Variants in PSME3IP1 observed in about 807,000 individuals in gnomAD.
PSME3IP1 encodes PSME3-interacting protein.
In PSME3IP1, 13 loss-of-function variants were observed where a neutral mutation model predicts 34.1. The ratio of observed to expected loss-of-function variants is 0.38; its 90% CI spans 0.25 to 0.61. The LOEUF (loss-of-function observed/expected upper bound fraction) is 0.61. Among genes scored for constraint, PSME3IP1 ranks in the 20% least tolerant of loss-of-function variants. PSME3IP1 has a pLI of 0.60. For synonymous variants in PSME3IP1, 93 were observed against 114.3 expected, an observed-to-expected ratio of 0.81 and a Z score of 1.19; for missense variants, 237 against 301.4, an observed-to-expected ratio of 0.79 and a Z score of 1.58.
chr16:57,172,800 C>G lies in PSME3IP1; in HGVS notation c.202G>C (p.Glu68Gln). Reference sequence around the variant, plus strand: ...CTGAATTTGAACTGTTCCTCGTACTCCTGCTGCTTCCTGTCCTTCTGTTCC... The same window carrying G: ...CTGAATTTGAACTGTTCCTCGTACTGCTGCTGCTTCCTGTCCTTCTGTTCC... ...LQEQKDRKQQ[E>Q]YEEQFKFKNM... Residue 68 changes from glutamate to glutamine, a missense_variant, in exon 3 of 7, where the codon GAG (glutamate) becomes CAG (glutamine). By Grantham distance (29) the Glu-to-Gln change is conservative. Coordinates refer to ENST00000309137, the MANE Select transcript of PSME3IP1 (RefSeq NM_024946.4). 1 of 1,613,570 alleles carries G rather than the reference C, an allele frequency of 6.2e-7. No individual in the cohort carries two copies. Among genetic ancestry groups the G allele is most frequent in the Middle Eastern group, 1.7e-4 (1 of 6,056 alleles).
chr16:57,169,734 C>T (rs1232557396), intron 4 of PSME3IP1, among the ~76,000 whole-genome samples: 2 of 152,104 alleles, frequency 1.3e-5, no homozygotes, highest in African/African-American at 4.8e-5. Flanking sequence ...TGCTAGTCTA[C>T]CAAAATAAAA....
At chr16:57,156,865 G>C (rs141035834) in intron 6 of PSME3IP1, among the ~76,000 whole-genome samples, 1 of 152,352 alleles carries the variant, frequency 6.6e-6, no homozygotes, top group Non-Finnish European at 1.5e-5. Flanking sequence ...AGGGAGTACA[G>C]AGAAATTTGG....
chr16:57,165,681 C>T (rs2071784539), intron 5 of PSME3IP1, among the ~76,000 whole-genome samples: 1 of 152,156 alleles, frequency 6.6e-6, no homozygotes, highest in African/African-American at 2.4e-5. Flanking sequence ...AACAAACTCC[C>T]AGGTGATTCC....
rs1333734091 is a variant in PSME3IP1, at chr16:57,185,993, G to A, written c.-188C>T. On this transcript the variant is annotated 5_prime_UTR_variant, in exon 1 of 7. Transcript: ENST00000309137. ...AAAAAAGAAAATAGCCTTTGCTTTT[G>A]TATTTCTTTTGACCCTTCAGGGCTT... The A allele has an allele frequency of 7.1e-6, 7 of 985,390 alleles. No homozygotes were observed. The highest frequency in any genetic ancestry group is 8.4e-6 in the Non-Finnish European group (7 of 829,920). 61.0% of individuals were successfully genotyped at this position (985,390 alleles called of 1,614,324 possible).
chr16:57,166,893 T>G (rs1215073523), intron 5 of PSME3IP1, among the ~76,000 whole-genome samples, 200 bp downstream of exon 5: 1 of 152,196 alleles, frequency 6.6e-6, no homozygotes, highest in African/African-American at 2.4e-5. Flanking sequence ...ATTATTTATA[T>G]TTGTTGAATA....
chr16:57,154,266 G>A lies in PSME3IP1; in HGVS notation c.*24C>T, dbSNP rs760094907. On this transcript the variant is annotated 3_prime_UTR_variant, in exon 7 of 7. Coordinates refer to ENST00000309137, the MANE Select transcript of PSME3IP1 (RefSeq NM_024946.4). This position sits in a 1 kb window ranked among gnomAD's most constrained non-coding sequence, Gnocchi z 4.0. ...CGGTCCGATCTACCCTTGGGGAGGAGCTCCCTGTGTAGGGACGGAGAAACT... is the reference window on the plus strand; with the variant it reads ...CGGTCCGATCTACCCTTGGGGAGGAACTCCCTGTGTAGGGACGGAGAAACT... The A allele has an allele frequency of 6.2e-7, 1 of 1,601,570 alleles. No individual in the cohort carries two copies. Among genetic ancestry groups the A allele is most frequent in the South Asian group, 1.1e-5 (1 of 90,802 alleles).
chr16:57,161,772 A>C (rs1456087302), intron 6 of PSME3IP1, among the ~76,000 whole-genome samples: 1 of 152,110 alleles, frequency 6.6e-6, no homozygotes, highest in Admixed American at 6.5e-5. Flanking sequence ...TCGGCTCCCA[A>C]AGTGCTGGGA....
intron 1 of PSME3IP1, among the ~76,000 whole-genome samples, chr16:57,182,859 G>A (rs1454312141): frequency 2.0e-5 from 3 of 152,136 alleles, no homozygotes; most frequent in Non-Finnish European, 4.4e-5. Context: ...GTAGTGAGCC[G>A]AGATCGCGCC....
chr16:57,173,769 T>C lies in PSME3IP1; in HGVS notation c.86A>G (p.Gln29Arg). 1 of 1,614,148 alleles carries C rather than the reference T, an allele frequency of 6.2e-7. No individual in the cohort carries two copies. The highest frequency in any genetic ancestry group is 8.5e-7 in the Non-Finnish European group (1 of 1,180,016). ...TTTTCGAACTTTCTCCCATTCTTCT[T>C]GCCTCCTTTTGCGCCGTTCATCTAG... ...AELDERRKRR[Q>R]EEWEKVRKPE... Residue 29 changes from glutamine to arginine, a missense_variant, in exon 2 of 7, where the codon CAA (glutamine) becomes CGA (arginine). Transcript: ENST00000309137.
At chr16:57,172,502 C>T (rs550787532) in intron 3 of PSME3IP1, 130 bp from the exon 4 acceptor site, 4 of 988,816 alleles carry the variant, frequency 4.0e-6, no homozygotes, top group East Asian at 2.6e-5. Flanking sequence ...AATACCATGG[C>T]GTTTGAATAG....
chr16:57,177,367 T>C (rs1374825003), intron 1 of PSME3IP1, among the ~76,000 whole-genome samples: 2 of 145,128 alleles, frequency 1.4e-5, no homozygotes, highest in African/African-American at 5.1e-5. Context: ...TTTTTTTTTT[T>C]CGTGAAACAG....
chr16:57,172,017 T>C (rs1218675204), intron 4 of PSME3IP1, among the ~76,000 whole-genome samples: 1 of 152,242 alleles, frequency 6.6e-6, no homozygotes, highest in Non-Finnish European at 1.5e-5. Context: ...GTAGGATTGA[T>C]GCCTTGAGTT....
chr16:57,176,381 T>A (rs971979253), intron 1 of PSME3IP1, among the ~76,000 whole-genome samples: 3 of 152,316 alleles, frequency 2.0e-5, no homozygotes, highest in Non-Finnish European at 4.4e-5. Context: ...GCCCACCTAA[T>A]ATGATAATCC....
chr16:57,164,590 C>A (rs1292084444), intron 5 of PSME3IP1, among the ~76,000 whole-genome samples: 1 of 152,154 alleles, frequency 6.6e-6, no homozygotes, highest in Admixed American at 6.5e-5. Context: ...AAATATAAAT[C>A]TAAACAAATA....
intron 1 of PSME3IP1, chr16:57,178,668 T>C: frequency 1.0e-6 from 1 of 985,310 alleles, no homozygotes; most frequent in Non-Finnish European, 1.2e-6. Context: ...CCATACAATT[T>C]GTGCAGTAAG....
In PSME3IP1 at chr16:57,153,124, A is replaced by G. The variant is rs2070123820; in HGVS notation, c.*1166T>C. The G allele has an allele frequency of 6.6e-6, 1 of 152,670 alleles. No homozygotes were observed. Among genetic ancestry groups the G allele is most frequent in the Non-Finnish European group, 1.5e-5 (1 of 68,046 alleles). The allele number at this position is 152,670 out of a possible 1,614,324, so 9.5% of individuals were successfully genotyped here. On this transcript the variant is annotated 3_prime_UTR_variant, in exon 7 of 7. Transcript: ENST00000309137. Reference sequence around the variant, plus strand: ...CAGATTGTTGTCAAAGCTCATGTCTATCTCTGTCCTCGAGGCCTCCACACC... The same window carrying G: ...CAGATTGTTGTCAAAGCTCATGTCTGTCTCTGTCCTCGAGGCCTCCACACC...
chr16:57,165,153 TTA>T (rs142649591), intron 5 of PSME3IP1, among the ~76,000 whole-genome samples: 84 of 147,140 alleles, frequency 5.7e-4, no homozygotes, highest in Middle Eastern at 7.0e-3. Context: ...TAAGACACTG[TTA>T]TATATATATA....
chr16:57,170,077 A>G (rs539290224), intron 4 of PSME3IP1, among the ~76,000 whole-genome samples: 94 of 145,610 alleles, frequency 6.5e-4, no homozygotes, highest in African/African-American at 2.4e-3. Context: ...TCTCCCATAC[A>G]ACGCTTTTTT....
chr16:57,172,655 C>A, intron 3 of PSME3IP1, 121 bp downstream of exon 3: 1 of 855,872 alleles, frequency 1.2e-6, no homozygotes, highest in South Asian at 1.5e-5. Context: ...ACCAAATAAG[C>A]ATCCGGAGAC....
Sources: allele counts gnomAD v4.1 joint callset (sites outside exome capture counted in the v4.1 genomes callset), GRCh38; gene constraint gnomAD v4.1.1; non-coding constraint Gnocchi (gnomAD v3.1); transcripts MANE v1.5; gene names NCBI Gene and HGNC (gene_info 2026-07-23, HGNC 2026-07-21).